TRIM55: variants seen among roughly 807,000 people sequenced by gnomAD.
TRIM55 encodes tripartite motif containing 55.
A neutral mutation model predicts 60.9 loss-of-function variants in TRIM55; 50 were observed. That is an observed-to-expected ratio of 0.82 (90% CI 0.65 to 1.04). The LOEUF is 1.04. TRIM55 is among the 50% of genes least tolerant of loss of function. The pLI is 0.00. For missense variants in TRIM55, 681 were observed against 666.9 expected, an observed-to-expected ratio of 1.02 and a Z score of -0.23; for synonymous variants, 237 against 238.1, an observed-to-expected ratio of 1.00 and a Z score of 0.04.
At chr8:66,134,432 T>C (rs1454542244) in intron 2 of TRIM55, among the ~76,000 whole-genome samples, 1 of 152,148 alleles carries the variant, frequency 6.6e-6, no homozygotes, top group Non-Finnish European at 1.5e-5. Context: ...CTATCCTCAT[T>C]TCTTCAGGTG....
intron 2 of TRIM55, among the ~76,000 whole-genome samples, chr8:66,134,662 A>G (rs936800358): frequency 4.6e-5 from 7 of 152,262 alleles, no homozygotes; most frequent in Non-Finnish European, 1.0e-4. Flanking sequence ...TTTCACTACC[A>G]GATTCTGAAA....
At chr8:66,114,409 T>C in the TRIM55 span, among the ~76,000 whole-genome samples, 1 of 152,162 alleles carries the variant, frequency 6.6e-6, no homozygotes, top group Non-Finnish European at 1.5e-5. Flanking sequence ...CGCTAGCAGT[T>C]TATCCTTCTA....
At chr8:66,145,340 C>A (rs763415551) in intron 4 of TRIM55, among the ~76,000 whole-genome samples, 2 of 151,972 alleles carry the variant, frequency 1.3e-5, no homozygotes, top group Non-Finnish European at 2.9e-5. Flanking sequence ...GTATTTTTGC[C>A]GTTTCAGAAA....
At chr8:66,124,209 C>A (rs1276561628), upstream of TRIM55, among the ~76,000 whole-genome samples, 1 of 152,224 alleles carries the variant, frequency 6.6e-6, no homozygotes, top group Non-Finnish European at 1.5e-5. Context: ...GCAACAGCCT[C>A]TGATCTGGTT....
At chr8:66,162,872 C>T (rs1291122599) in intron 9 of TRIM55, among the ~76,000 whole-genome samples, 1 of 152,012 alleles carries the variant, frequency 6.6e-6, no homozygotes, top group East Asian at 1.9e-4. Context: ...ATAGTGTTAG[C>T]TCTTAAATTA....
At chr8:66,134,887 C>G in intron 2 of TRIM55, 103 bp from the exon 3 acceptor site, 2 of 1,248,550 alleles carry the variant, frequency 1.6e-6, no homozygotes, top group South Asian at 2.9e-5. Flanking sequence ...GCTGGGCATA[C>G]AGGGAAGAGA....
chr8:66,137,140 C>T lies in TRIM55; in HGVS notation c.553C>T (p.Arg185Ter), dbSNP rs144527623. Residue 185 changes from arginine to a stop codon, truncating the protein, a stop_gained, in exon 4 of 10, where the codon CGA becomes TGA. Transcript: ENST00000315962. LOFTEE classifies it high-confidence loss of function. ...GIAILVGSND[R>*]VQGVISQLED... ...CGCCATCCTCGTGGGCAGCAACGAT[C>T]GAGTCCAGGGAGTGATCAGCCAGCT... is the stretch of plus-strand genomic sequence containing the variant. 3 of 1,614,002 alleles carry T rather than the reference C, an allele frequency of 1.9e-6. No homozygotes were observed. Among genetic ancestry groups the T allele is most frequent in the South Asian group, 1.1e-5 (1 of 91,088 alleles).
At chr8:66,159,862 A>G (rs1263089433) in intron 9 of TRIM55, among the ~76,000 whole-genome samples, 1 of 152,222 alleles carries the variant, frequency 6.6e-6, no homozygotes, top group Non-Finnish European at 1.5e-5. Flanking sequence ...AAATGTACAC[A>G]TCTTTTGCCC....
intron 9 of TRIM55, among the ~76,000 whole-genome samples, chr8:66,173,615 G>C (rs528572703): frequency 1.3e-5 from 2 of 152,280 alleles, no homozygotes; most frequent in African/African-American, 4.8e-5. Context: ...TTTATCCATA[G>C]TTCTCCTAGG....
At chr8:66,115,336 T>G in the TRIM55 span, 1 of 152,346 alleles carries the variant, frequency 6.6e-6, no homozygotes, top group Non-Finnish European at 1.5e-5. Flanking sequence ...GAATGTATTG[T>G]AAATTACTTG....
At position 66,128,403 on chromosome 8, in the gene TRIM55, C is replaced by A. The variant is rs772579473; in HGVS notation, c.268C>A (p.His90Asn). The part of the protein sequence containing the change: ...SCRHEVVLDR[H>N]GVYGLQRNLL... ...TAGACATGAAGTGGTTTTGGATAGA[C>A]ATGGGGTATATGGACTTCAGAGGAA... Residue 90 changes from histidine to asparagine, a missense_variant, in exon 2 of 10, where the codon CAT (histidine) becomes AAT (asparagine). His to Asn is a moderately conservative substitution (Grantham distance 68). Coordinates refer to ENST00000315962, the MANE Select transcript of TRIM55 (RefSeq NM_184085.2). 3.7e-6 allele frequency: 6 copies of A among 1,613,756 alleles called. No homozygotes were observed. The highest frequency in any genetic ancestry group is 5.1e-6 in the Non-Finnish European group (6 of 1,179,906).
At chr8:66,160,757 C>T (rs966301412) in intron 9 of TRIM55, among the ~76,000 whole-genome samples, 16 of 152,032 alleles carry the variant, frequency 1.1e-4, no homozygotes, top group African/African-American at 3.9e-4. Context: ...ATTTGCATTT[C>T]CCTGATAATT....
rs188948114 is a variant in TRIM55, at chr8:66,148,108, G to A, written c.604-1537G>A. On this transcript the variant is annotated intron_variant, in intron 4 of 9. Coordinates refer to ENST00000315962, the MANE Select transcript of TRIM55 (RefSeq NM_184085.2). ...GTTAGATCACTATGGCTCACAACCT[G>A]CTCTCAGCTATAAAGGTCCTGGACC... 3.3e-5 allele frequency among the ~76,000 whole-genome samples: 5 copies of A among 152,248 alleles called. No homozygotes were observed. In the East Asian group the frequency reaches 7.7e-4, roughly 23 times the overall value.
chr8:66,173,865 G>A (rs1373009851), intron 9 of TRIM55, among the ~76,000 whole-genome samples: 1 of 151,758 alleles, frequency 6.6e-6, no homozygotes, highest in Non-Finnish European at 1.5e-5. Flanking sequence ...TGCTTATATT[G>A]GATTTGATTT....
rs537186483 is a variant in TRIM55 at position 66,152,387 on chromosome 8, T to C, written c.996T>C (p.Asp332=). Residue 332 remains aspartate (D), a synonymous_variant, in exon 8 of 10, where the codon GAT becomes GAC. Transcript: ENST00000315962. ...ACCTTACCTTACCAGAAGATGAAGA[T>C]GAAGAAGAAGAAGAAGGCGGAGAAG... ...REIDFYREDE[D]EEEEEGGEGE... is the part of the protein sequence containing the mutation. 8.2e-6 allele frequency: 13 copies of C among 1,582,838 alleles called. No homozygotes were observed. The East Asian group carries it at 2.3e-4, about 27-fold the overall frequency.
At chr8:66,150,292 C>A in intron 6 of TRIM55, 50 bp from the exon 7 acceptor site, 1 of 1,613,936 alleles carries the variant, frequency 6.2e-7, no homozygotes, top group Non-Finnish European at 8.5e-7. Flanking sequence ...TTACCCAAGG[C>A]TATCCAATTT....
chr8:66,135,256 G>A, intron 3 of TRIM55, 101 bp downstream of exon 3: 1 of 1,315,840 alleles, frequency 7.6e-7, no homozygotes, highest in Non-Finnish European at 1.1e-6. Flanking sequence ...GGAGGAGGAA[G>A]CCCAAGCCAC....
chr8:66,114,767 T>A, the TRIM55 span: 1 of 373,654 alleles, frequency 2.7e-6, no homozygotes, highest in South Asian at 2.0e-5. Context: ...AGGCAAAAGG[T>A]AGCCCTGGAG....
Position 66,174,783 on chromosome 8 carries a change from A to G in TRIM55, c.*190A>G, listed in dbSNP as rs1409816864. 6.7e-6 allele frequency: 3 copies of G among 444,642 alleles called. No individual in the cohort carries two copies. Among genetic ancestry groups the G allele is most frequent in the African/African-American group, 2.1e-5 (1 of 47,874 alleles). The allele number at this position is 444,642 out of a possible 1,614,324, so 27.5% of individuals were successfully genotyped here. A position where few individuals can be genotyped will look rare whatever the true frequency, so the allele number is the denominator to read the frequency against. ...TGGGGGGAAAGAATATTTTGAGAAA[A>G]TAGTTGCAGAAAGCACTGGAAATAA... On this transcript the variant is annotated 3_prime_UTR_variant, in exon 10 of 10. Coordinates refer to ENST00000315962, the MANE Select transcript of TRIM55 (RefSeq NM_184085.2).
Sources: allele counts gnomAD v4.1 joint callset (sites outside exome capture counted in the v4.1 genomes callset), GRCh38; gene constraint gnomAD v4.1.1; transcripts MANE v1.5; gene names NCBI Gene and HGNC (gene_info 2026-07-23, HGNC 2026-07-21).